Variants in DUS4L observed in about 807,000 individuals in gnomAD.
DUS4L encodes dihydrouridine synthase 4 like.
Under a neutral mutation model 33.8 loss-of-function variants are expected in DUS4L, and 31 were observed. The ratio of observed to expected loss-of-function variants is 0.92; its 90% CI spans 0.69 to 1.24. The LOEUF (loss-of-function observed/expected upper bound fraction) is 1.24. Among genes scored for constraint, DUS4L ranks in the 50% most tolerant of loss-of-function variants. DUS4L has a pLI of 0.00. For synonymous variants in DUS4L, 103 were observed against 120.3 expected (o/e 0.86, Z 0.94); for missense variants, 368 against 388.6 (o/e 0.95, Z 0.45).
chr7:107,573,621 C>T (rs1805461288), intron 4 of DUS4L, 83 bp from the exon 5 acceptor site: 1 of 1,342,886 alleles, frequency 7.4e-7, no homozygotes, highest in Admixed American at 2.5e-5. Context: ...GCTATTTTAT[C>T]CTGTACAAAC....
chr7:107,569,580 T>A lies in DUS4L; in HGVS notation c.117-1565T>A, dbSNP rs80161561. Among the ~76,000 whole-genome samples, 671 of 152,350 alleles carry A rather than the reference T, an allele frequency of 4.4e-3. 7 individuals are homozygous for A. The highest frequency in any genetic ancestry group is 0.015 in the African/African-American group (634 of 41,578). On this transcript the variant is annotated intron_variant, in intron 3 of 7. Transcript: ENST00000265720. ...CCAATCCATGAACACAGTATATCTTTCCATTGATTGAGATTTTCTTTGATT... is the reference window on the plus strand; with the variant it reads ...CCAATCCATGAACACAGTATATCTTACCATTGATTGAGATTTTCTTTGATT...
rs753639948 is a variant in DUS4L, at chr7:107,577,406, T to C, written c.800T>C (p.Ile267Thr). 2 of 1,614,166 alleles carry C rather than the reference T, an allele frequency of 1.2e-6. No individual in the cohort carries two copies. Among genetic ancestry groups the C allele is most frequent in the South Asian group, 2.2e-5 (2 of 91,082 alleles). ...PLKCIWDWVD[I>T]ALELGTPYMC... is the part of the protein sequence containing the mutation. ...AAATGCATCTGGGACTGGGTTGACA[T>C]TGCTCTTGAACTCGGGACTCCTTAC... The change falls in exon 8 of 8, where the codon ATT (isoleucine) becomes ACT (threonine). Residue 267 changes from isoleucine to threonine, a missense_variant. Physicochemically the swap from Ile to Thr is moderately conservative, Grantham distance 89. Coordinates refer to ENST00000265720, the MANE Select transcript of DUS4L (RefSeq NM_181581.3).
At chr7:107,564,237 T>G (rs1304828360) in intron 1 of DUS4L, 28 bp downstream of exon 1, 1 of 579,100 alleles carries the variant, frequency 1.7e-6, no homozygotes, top group East Asian at 2.9e-5. Flanking sequence ...GCCGCAGCGC[T>G]TATCTGTGAA....
chr7:107,573,702 A>G lies in DUS4L; in HGVS notation c.239-2A>G. 1 of 1,603,936 alleles carries G rather than the reference A, an allele frequency of 6.2e-7. No individual in the cohort carries two copies. Among genetic ancestry groups the G allele is most frequent in the African/African-American group, 1.3e-5 (1 of 74,490 alleles). ...TTAATGTTGAGCTATTCATTTTGTC[A>G]GGTGATTGCCCATTGATTGTTCAGT... On this transcript the variant is annotated splice_acceptor_variant, in intron 4 of 7. Coordinates refer to ENST00000265720, the MANE Select transcript of DUS4L (RefSeq NM_181581.3). LOFTEE classifies it high-confidence loss of function.
intron 2 of DUS4L, 43 bp from the exon 3 acceptor site, chr7:107,567,007 G>C: frequency 7.4e-7 from 1 of 1,352,906 alleles, no homozygotes. Flanking sequence ...AATTAATATA[G>C]TGAAAACATA....
At chr7:107,564,312 A>G (rs1804337591) in intron 1 of DUS4L, 103 bp downstream of exon 1, 3 of 418,398 alleles carry the variant, frequency 7.2e-6, no homozygotes, top group Non-Finnish European at 1.3e-5. Context: ...CGGAGGTTTC[A>G]GGGAGCTTCG....
intron 3 of DUS4L, chr7:107,570,093 A>G (rs1302973176): frequency 1.3e-5 from 2 of 150,686 alleles, no homozygotes; most frequent in African/African-American, 4.9e-5. Context: ...TTAACTATGT[A>G]TGAGTGTATT....
intron 3 of DUS4L, among the ~76,000 whole-genome samples, chr7:107,567,429 C>T (rs1804810012): frequency 6.6e-6 from 1 of 151,986 alleles, no homozygotes; most frequent in South Asian, 2.1e-4. Flanking sequence ...GTAACTCCTA[C>T]CTATAAGTAT....
At chr7:107,566,194 G>T (rs1364045500) in intron 2 of DUS4L, among the ~76,000 whole-genome samples, 1 of 152,186 alleles carries the variant, frequency 6.6e-6, no homozygotes, top group Non-Finnish European at 1.5e-5. Context: ...CTTGCCTAAA[G>T]GTTAAAGACT....
At chr7:107,565,047 G>A (rs1804495516) in intron 2 of DUS4L, among the ~76,000 whole-genome samples, 1 of 152,136 alleles carries the variant, frequency 6.6e-6, no homozygotes, top group African/African-American at 2.4e-5. Context: ...TTGTCTCAGA[G>A]GATTTTCCCT....
chr7:107,577,199 T>C lies in DUS4L; in HGVS notation c.707-114T>C, dbSNP rs113595864. The C allele has an allele frequency of 6.0e-4, 854 of 1,430,078 alleles. 9 individuals carry two copies. The African/African-American group carries it at 0.011, about 18-fold the overall frequency. 88.6% of individuals were successfully genotyped at this position (1,430,078 alleles called of 1,614,324 possible). A position where few individuals can be genotyped will look rare whatever the true frequency, so the allele number is the denominator to read the frequency against. ...TAAACATATTAATGCAATAAAGACA[T>C]TACAAAACCTTGTGATAATACTTTT... On this transcript the variant is annotated intron_variant, in intron 7 of 7. Transcript: ENST00000265720.
intron 4 of DUS4L, among the ~76,000 whole-genome samples, chr7:107,571,568 C>G (rs142969416): frequency 1.7e-3 from 262 of 152,246 alleles, no homozygotes; most frequent in African/African-American, 6.0e-3. Context: ...ACCAAAGTGA[C>G]CTATTGAACA....
At chr7:107,575,339 G>A in intron 6 of DUS4L, 29 bp downstream of exon 6, 3 of 1,602,928 alleles carry the variant, frequency 1.9e-6, no homozygotes, top group Non-Finnish European at 2.6e-6. Context: ...TCTATTGATA[G>A]GATAATCCAT....
intron 3 of DUS4L, among the ~76,000 whole-genome samples, chr7:107,568,291 C>T (rs1412798858): frequency 1.3e-5 from 2 of 152,200 alleles, no homozygotes; most frequent in Admixed American, 1.3e-4. Context: ...CACCATGTTA[C>T]CTTACCACCA....
chr7:107,566,271 A>G (rs2520274), intron 2 of DUS4L, among the ~76,000 whole-genome samples: 59 of 152,042 alleles, frequency 3.9e-4, no homozygotes, highest in East Asian at 3.5e-3. Flanking sequence ...TGTTGTTGTT[A>G]TTTTCTGCTT....
intron 3 of DUS4L, among the ~76,000 whole-genome samples, chr7:107,568,243 T>A (rs1804892526): frequency 6.6e-6 from 1 of 152,212 alleles, no homozygotes; most frequent in Non-Finnish European, 1.5e-5. Context: ...TATGTTTAAT[T>A]TTTTGAGCAA....
At chr7:107,575,150 A>G (rs771054122) in intron 5 of DUS4L, 38 bp from the exon 6 acceptor site, 1 of 1,606,314 alleles carries the variant, frequency 6.2e-7, no homozygotes, top group East Asian at 2.2e-5. Flanking sequence ...TCTTCCAGTT[A>G]TTTATAATTC....
At chr7:107,575,126 A>C in intron 5 of DUS4L, 62 bp from the exon 6 acceptor site, 1 of 1,600,650 alleles carries the variant, frequency 6.2e-7, no homozygotes, top group Non-Finnish European at 8.5e-7. Flanking sequence ...CAGTGCTTTC[A>C]GAATTTTGTC....
rs981954168 is a variant in DUS4L at position 107,573,751 on chromosome 7, T to G, written c.286T>G (p.Leu96Val). ...GTTTGCTGCTAACGATGCAAGACTT[T>G]TATCTGATGCTGCTCGTATAGTCTG... The part of the protein sequence containing the change: ...VQFAANDARL[L>V]SDAARIVCPY... The change falls in exon 5 of 8, where the codon TTA becomes GTA. Residue 96 changes from leucine (L) to valine (V), a missense_variant. Leu to Val is a conservative substitution (Grantham distance 32). Coordinates refer to ENST00000265720, the MANE Select transcript of DUS4L (RefSeq NM_181581.3). The G allele has an allele frequency of 3.1e-6, 5 of 1,611,518 alleles. No homozygotes were observed. Among genetic ancestry groups the G allele is most frequent in the Non-Finnish European group, 4.2e-6 (5 of 1,179,022 alleles).
Sources: allele counts gnomAD v4.1 joint callset (sites outside exome capture counted in the v4.1 genomes callset), GRCh38; gene constraint gnomAD v4.1.1; transcripts MANE v1.5; gene names NCBI Gene and HGNC (gene_info 2026-07-23, HGNC 2026-07-21).